Variants in CCDC32 observed in about 807,000 individuals in gnomAD.
CCDC32 encodes the protein coiled-coil domain containing 32.
Under a neutral mutation model 20.1 loss-of-function variants are expected in CCDC32, and 9 were observed. The observed-to-expected ratio is 0.45, with a 90% CI of 0.27 to 0.78. The LOEUF is 0.78. Ranked by LOEUF, CCDC32 falls within the 30% of genes least tolerant of loss-of-function variation. The probability of loss-of-function intolerance (pLI) is 0.16; values close to 1 mark genes in which losing one functional copy is unlikely to be tolerated. For synonymous variants in CCDC32, 63 were observed against 79.0 expected, an observed-to-expected ratio of 0.80 and a Z score of 1.07; for missense variants, 204 against 215.5, an observed-to-expected ratio of 0.95 and a Z score of 0.33.
chr15:40,562,733 C>T, intron 2 of CCDC32, 39 bp downstream of exon 2: 1 of 1,578,450 alleles, frequency 6.3e-7, no homozygotes, highest in Non-Finnish European at 8.6e-7. Context: ...TTTGATGTAA[C>T]AGAACTTCAA....
chr15:40,549,705 A>G (rs1479833423), downstream of CCDC32, among the ~76,000 whole-genome samples: 1 of 152,244 alleles, frequency 6.6e-6, no homozygotes, highest in East Asian at 1.9e-4. Context: ...TCTGCCTTAA[A>G]TAACCTATTT....
At chr15:40,540,232 T>A (rs1209731349) in intron 3 of CCDC32, among the ~76,000 whole-genome samples, 1 of 152,172 alleles carries the variant, frequency 6.6e-6, no homozygotes, top group Non-Finnish European at 1.5e-5. Flanking sequence ...TGGCCTTTAG[T>A]GCCTGGCAGG....
chr15:40,561,024 C>T (rs912859862), intron 2 of CCDC32, among the ~76,000 whole-genome samples: 2 of 152,196 alleles, frequency 1.3e-5, no homozygotes, highest in African/African-American at 4.8e-5. Flanking sequence ...GAACACTACT[C>T]AGCCATAAGA....
downstream of CCDC32, among the ~76,000 whole-genome samples, chr15:40,525,036 CTT>C (rs531563256): frequency 7.1e-6 from 1 of 140,802 alleles, no homozygotes; most frequent in Non-Finnish European, 1.6e-5. Flanking sequence ...CCAAGCTGTT[CTT>C]TTTTTTTTTT....
At chr15:40,532,714 CTTTTTTTTTTTT>C (rs1189285245), downstream of CCDC32, among the ~76,000 whole-genome samples, 96 of 91,474 alleles carry the variant, frequency 1.0e-3, no homozygotes, top group African/African-American at 3.4e-3. Context: ...TGTTTTCTTT[CTTTTTTTTTTTT>C]TTTTTTTTTT....
chr15:40,553,612 C>G lies in CCDC32; in HGVS notation c.*359G>C. On this transcript the variant is annotated 3_prime_UTR_variant, in exon 4 of 4. Transcript: ENST00000416810. ...TAACTTACACATTACACATAAGAGG[C>G]CTCAGTTTCTCCAAGTACTTTCACA... The G allele has an allele frequency of 1.9e-6, 2 of 1,036,226 alleles. No homozygotes were observed. Among genetic ancestry groups the G allele is most frequent in the Non-Finnish European group, 2.3e-6 (2 of 863,952 alleles). 64.2% of individuals were successfully genotyped at this position (1,036,226 alleles called of 1,614,324 possible).
chr15:40,551,287 CAGG>C, downstream of CCDC32, among the ~76,000 whole-genome samples: 1 of 152,130 alleles, frequency 6.6e-6, no homozygotes, highest in South Asian at 2.1e-4. Context: ...GAGGCTGAGG[CAGG>C]AGAATGGTGT....
At chr15:40,552,370 A>G (rs1889919555), downstream of CCDC32, among the ~76,000 whole-genome samples, 1 of 150,856 alleles carries the variant, frequency 6.6e-6, no homozygotes, top group Non-Finnish European at 1.5e-5. Context: ...AATCCCAGCT[A>G]CTCAGGAGGC....
At chr15:40,547,519 G>T (rs1889671193) in intron 3 of CCDC32, among the ~76,000 whole-genome samples, 1 of 152,150 alleles carries the variant, frequency 6.6e-6, no homozygotes, top group Admixed American at 6.5e-5. Context: ...CAACAGAGTG[G>T]ACCTTCGCTT....
chr15:40,547,108 G>A (rs1184176332), intron 3 of CCDC32, among the ~76,000 whole-genome samples: 1 of 152,100 alleles, frequency 6.6e-6, no homozygotes, highest in African/African-American at 2.4e-5. Context: ...CTGTCAGCCT[G>A]TTGGTCTGGG....
At chr15:40,525,711 C>G (rs898368135), downstream of CCDC32, among the ~76,000 whole-genome samples, 3 of 152,156 alleles carry the variant, frequency 2.0e-5, no homozygotes, top group Admixed American at 2.0e-4. Flanking sequence ...TGCCTGACAC[C>G]CCTTGTTTCT....
downstream of CCDC32, among the ~76,000 whole-genome samples, chr15:40,533,898 CTTT>C (rs1325350798): frequency 1.3e-5 from 2 of 151,890 alleles, no homozygotes; most frequent in African/African-American, 4.8e-5. Flanking sequence ...AATCAAATTA[CTTT>C]TACAATATGT....
At chr15:40,563,822 CTTTCT>C (rs1416072712) in intron 1 of CCDC32, among the ~76,000 whole-genome samples, 10 of 109,054 alleles carry the variant, frequency 9.2e-5, no homozygotes, top group Non-Finnish European at 1.9e-4. Flanking sequence ...TTCTTTCTTT[CTTTCT>C]TTTTTTTTTT....
In CCDC32 at chr15:40,544,158, A is replaced by G. The variant is rs542264190; in HGVS notation, c.402-4803T>C. ...CATAGATCTTGCCCTTGTCATAGTCAGTGCTCCAATGATGAGCATGTGACC... is the reference window on the plus strand; with the variant it reads ...CATAGATCTTGCCCTTGTCATAGTCGGTGCTCCAATGATGAGCATGTGACC... On this transcript the variant is annotated intron_variant, in intron 3 of 3. Transcript: ENST00000558113. Among the ~76,000 whole-genome samples the G allele has an allele frequency of 1.1e-4, 17 of 152,272 alleles. No homozygotes were observed. The South Asian group carries it at 3.5e-3, about 32-fold the overall frequency.
intron 1 of CCDC32, among the ~76,000 whole-genome samples, chr15:40,563,709 A>AAT (rs1890816750): frequency 7.0e-6 from 1 of 143,142 alleles, no homozygotes; most frequent in African/African-American, 2.5e-5. Context: ...CACACACACA[A>AAT]ATCTGTAGGG....
intron 1 of CCDC32, among the ~76,000 whole-genome samples, chr15:40,564,042 G>C (rs1204940942): frequency 6.6e-6 from 1 of 151,906 alleles, no homozygotes; most frequent in South Asian, 2.1e-4. Flanking sequence ...GGGTGGTCTC[G>C]ATCTCCTGAT....
downstream of CCDC32, among the ~76,000 whole-genome samples, chr15:40,552,565 C>T (rs1889936912): frequency 1.3e-5 from 2 of 150,124 alleles, no homozygotes; most frequent in African/African-American, 4.9e-5. Flanking sequence ...TATATGGAAC[C>T]ACCTAATTGG....
chr15:40,527,805 A>G (rs920572190), downstream of CCDC32, among the ~76,000 whole-genome samples: 32 of 152,250 alleles, frequency 2.1e-4, no homozygotes, highest in African/African-American at 6.8e-4. Context: ...GGCTCTCACC[A>G]GATACAGCCC....
chr15:40,533,078 A>C (rs1888954463), downstream of CCDC32, among the ~76,000 whole-genome samples: 1 of 152,128 alleles, frequency 6.6e-6, no homozygotes, highest in African/African-American at 2.4e-5. Context: ...ATAATGGTTC[A>C]TCATGAGCTC....
Sources: gnomAD v4.1 joint callset for allele counts (sites outside exome capture counted in the v4.1 genomes callset) on GRCh38, gnomAD v4.1.1 for gene constraint, MANE v1.5 for transcripts, NCBI Gene and HGNC (gene_info 2026-07-23, HGNC 2026-07-21) for gene names.